The following SGCD variants were observed in gnomAD, a reference collection of about 807,000 sequenced individuals.
SGCD encodes the protein sarcoglycan delta.
A neutral mutation model predicts 36.6 loss-of-function variants in SGCD; 18 were observed. The ratio of observed to expected loss-of-function variants is 0.49; its 90% CI spans 0.34 to 0.73. The LOEUF (loss-of-function observed/expected upper bound fraction) is 0.73. Ranked by LOEUF, SGCD falls within the 30% of genes least tolerant of loss-of-function variation. SGCD has a pLI of 0.01. For synonymous variants in SGCD, 133 were observed against 130.6 expected (o/e 1.02, Z -0.12); for missense variants, 387 against 346.7 (o/e 1.12, Z -0.92).
At chr5:155,941,543 A>G (rs1041281879) in intron 1 of SGCD, among the ~76,000 whole-genome samples, 7 of 151,042 alleles carry the variant, frequency 4.6e-5, no homozygotes, top group African/African-American at 1.2e-4. Context: ...CATTGATATT[A>G]TTATTTAAAT....
At chr5:156,249,365 A>T (rs1561583926) in intron 3 of SGCD, among the ~76,000 whole-genome samples, 1 of 152,216 alleles carries the variant, frequency 6.6e-6, no homozygotes, top group Non-Finnish European at 1.5e-5. Context: ...ACTACTGAGA[A>T]AAAAGTCAAG....
In SGCD at chr5:156,040,713, T is replaced by C. The variant is rs188104489; in HGVS notation, c.-281-77165T>C. On this transcript the variant is annotated intron_variant, in intron 1 of 9. Coordinates refer to the SGCD transcript ENST00000517913. ...CAGCTGTTGGTGACCCTCCCATGAG[T>C]GTGGGCAGATGCATGCCTTCATTTC... is the stretch of plus-strand genomic sequence containing the variant. Among the ~76,000 whole-genome samples, 3 of 152,300 alleles carry C rather than the reference T, an allele frequency of 2.0e-5. No individual in the cohort carries two copies. The East Asian group carries it at 5.8e-4, about 29-fold the overall frequency.
At chr5:155,927,158 G>C (rs80080561) in intron 1 of SGCD, among the ~76,000 whole-genome samples, 4,487 of 152,208 alleles carry the variant, frequency 0.029, 237 homozygotes, top group African/African-American at 0.1. Context: ...AAATGTTATA[G>C]TATCCATTTC....
intron 3 of SGCD, among the ~76,000 whole-genome samples, chr5:156,262,327 A>G (rs1214592990): frequency 2.0e-5 from 3 of 152,130 alleles, no homozygotes; most frequent in Non-Finnish European, 4.4e-5. Context: ...TTATCATTGC[A>G]TTACAGTTGC....
chr5:156,060,973 G>A (rs989967966), intron 1 of SGCD, among the ~76,000 whole-genome samples: 3 of 144,026 alleles, frequency 2.1e-5, no homozygotes, highest in South Asian at 2.2e-4. Flanking sequence ...CGTGGTCAGC[G>A]GAATCCCTCT....
chr5:156,388,683 A>G (rs1344187812), intron 3 of SGCD, among the ~76,000 whole-genome samples: 1 of 152,212 alleles, frequency 6.6e-6, no homozygotes, highest in Non-Finnish European at 1.5e-5. Context: ...TTTTTCAGCA[A>G]TGTTGTGATT....
At chr5:156,692,265 C>T (rs1348924165) in intron 7 of SGCD, among the ~76,000 whole-genome samples, 1 of 152,168 alleles carries the variant, frequency 6.6e-6, no homozygotes, top group Non-Finnish European at 1.5e-5. Flanking sequence ...CTAACAATTC[C>T]TATCAATTGA....
intron 1 of SGCD, among the ~76,000 whole-genome samples, chr5:155,978,114 AAAAT>A (rs869136992): frequency 6.6e-6 from 1 of 150,610 alleles, no homozygotes. Context: ...AAAATAAAAT[AAAAT>A]AAAAATAAAC....
In SGCD at chr5:156,343,707, C is replaced by A. The variant is rs1768790614; in HGVS notation, c.4-782C>A. Reference sequence around the variant, plus strand: ...TTACTTTATAATATATTGACAAATCCTTTTCTAATTTCTCTCTCTCTACTG... The same window carrying A: ...TTACTTTATAATATATTGACAAATCATTTTCTAATTTCTCTCTCTCTACTG... On this transcript the variant is annotated intron_variant, in intron 2 of 8. Coordinates refer to ENST00000337851, the MANE Select transcript of SGCD (RefSeq NM_000337.6). Among the ~76,000 whole-genome samples, 3 of 152,166 alleles carry A rather than the reference C, an allele frequency of 2.0e-5. No homozygotes were observed. In the South Asian group the frequency reaches 6.2e-4, roughly 32 times the overall value.
At chr5:156,425,148 G>A (rs941203436) in intron 3 of SGCD, among the ~76,000 whole-genome samples, 6 of 151,978 alleles carry the variant, frequency 3.9e-5, no homozygotes, top group African/African-American at 9.7e-5. Flanking sequence ...GGCCCAATAC[G>A]TTAACTCTTT....
intron 1 of SGCD, among the ~76,000 whole-genome samples, chr5:155,998,684 C>T (rs182097596): frequency 9.2e-4 from 140 of 152,230 alleles, no homozygotes; most frequent in Middle Eastern, 6.8e-3. Context: ...CAGGAAAATA[C>T]GTGTGATGTA....
intron 1 of SGCD, among the ~76,000 whole-genome samples, chr5:156,035,189 A>G (rs958696830): frequency 2.0e-5 from 3 of 152,170 alleles, no homozygotes; most frequent in African/African-American, 7.2e-5. Flanking sequence ...TTGAAATGCT[A>G]ATATTATTCC....
intron 7 of SGCD, among the ~76,000 whole-genome samples, chr5:156,648,677 G>A (rs533395093): frequency 6.6e-6 from 1 of 152,228 alleles, no homozygotes; most frequent in South Asian, 2.1e-4. Context: ...CACACCACAA[G>A]GTTCTACTTT....
chr5:156,420,276 C>T (rs1041669105), intron 3 of SGCD, among the ~76,000 whole-genome samples: 6 of 152,100 alleles, frequency 3.9e-5, no homozygotes, highest in Non-Finnish European at 7.4e-5. Context: ...GTCCAGAGAA[C>T]TCCTAATAAG....
At chr5:155,905,340 G>C (rs1756481362) in intron 1 of SGCD, among the ~76,000 whole-genome samples, 1 of 152,126 alleles carries the variant, frequency 6.6e-6, no homozygotes, top group African/African-American at 2.4e-5. Flanking sequence ...TATAACCTTA[G>C]AAATTATTAG....
the SGCD span, among the ~76,000 whole-genome samples, chr5:155,861,651 G>A: frequency 1.3e-5 from 2 of 152,160 alleles, no homozygotes; most frequent in African/African-American, 4.8e-5. Flanking sequence ...CCAGAAGGTG[G>A]AGGTTGCAGT....
At chr5:156,446,915 T>A (rs1167248928) in intron 3 of SGCD, among the ~76,000 whole-genome samples, 14 of 152,194 alleles carry the variant, frequency 9.2e-5, no homozygotes, top group Admixed American at 7.9e-4. Flanking sequence ...GAGGCTCGGA[T>A]ACATTATGCA....
At chr5:156,683,269 C>T (rs1753788170) in intron 7 of SGCD, among the ~76,000 whole-genome samples, 1 of 152,202 alleles carries the variant, frequency 6.6e-6, no homozygotes, top group Non-Finnish European at 1.5e-5. Flanking sequence ...AGCCCATTTA[C>T]TTCTGCTTTT....
intron 1 of SGCD, among the ~76,000 whole-genome samples, chr5:156,033,625 C>T (rs1759411702): frequency 6.6e-6 from 1 of 152,172 alleles, no homozygotes; most frequent in Non-Finnish European, 1.5e-5. Context: ...AAACTCTCCT[C>T]TTTAATGGAG....
Sources: allele counts gnomAD v4.1 joint callset (sites outside exome capture counted in the v4.1 genomes callset), GRCh38; gene constraint gnomAD v4.1.1; transcripts MANE v1.5; gene names NCBI Gene and HGNC (gene_info 2026-07-23, HGNC 2026-07-21).